ZNF568: variants seen among roughly 807,000 people sequenced by gnomAD.
The protein encoded by ZNF568 is zinc finger protein 568, also known as p53 inhibitor of SCO2 activation.
A neutral mutation model predicts 18.1 loss-of-function variants in ZNF568; 11 were observed. The observed-to-expected ratio is 0.61, with a 90% CI of 0.38 to 1.00. The LOEUF is 1.00. Among genes scored for constraint, ZNF568 ranks in the 50% least tolerant of loss-of-function variants. The pLI is 0.01. For missense variants in ZNF568, 639 were observed against 768.2 expected, an observed-to-expected ratio of 0.83 and a Z score of 1.99; for synonymous variants, 213 against 246.6, an observed-to-expected ratio of 0.86 and a Z score of 1.28.
intron 7 of ZNF568, chr19:36,974,587 A>C: frequency 3.0e-6 from 3 of 995,020 alleles, no homozygotes; most frequent in Non-Finnish European, 4.5e-6. Flanking sequence ...GAGGGGAGGA[A>C]ACTGCATTTA....
At chr19:36,994,240 C>T (rs1443191360) in intron 4 of ZNF568, among the ~76,000 whole-genome samples, 2 of 152,060 alleles carry the variant, frequency 1.3e-5, no homozygotes, top group Admixed American at 1.3e-4. Context: ...CTGTTGATAT[C>T]TAAGTTCATT....
At chr19:36,944,897 A>G in intron 6 of ZNF568, among the ~76,000 whole-genome samples, 1 of 152,310 alleles carries the variant, frequency 6.6e-6, no homozygotes, top group Middle Eastern at 3.4e-3. Context: ...TAATAGGGAT[A>G]TATAGTCAAA....
At chr19:36,948,249 C>T (rs1459490201) in intron 6 of ZNF568, among the ~76,000 whole-genome samples, 1 of 152,112 alleles carries the variant, frequency 6.6e-6, no homozygotes, top group East Asian at 1.9e-4. Context: ...CAATGGGTTT[C>T]TTTTACTTAG....
intron 6 of ZNF568, among the ~76,000 whole-genome samples, chr19:36,968,338 G>A (rs1477892181): frequency 1.3e-5 from 2 of 151,964 alleles, no homozygotes; most frequent in Admixed American, 6.6e-5. Flanking sequence ...ACTTTGGGAG[G>A]CCGAGGCAGG....
At chr19:36,991,262 T>C (rs760014584) in exon 3 of ZNF568, 28 of 1,535,488 alleles carry the variant, frequency 1.8e-5, no homozygotes, top group Non-Finnish European at 2.4e-5. Flanking sequence ...TGTACCGAGA[T>C]GTAATGTTGG....
chr19:36,969,781 A>ATTTTTTT, intron 6 of ZNF568, among the ~76,000 whole-genome samples: 1 of 77,116 alleles, frequency 1.3e-5, no homozygotes, highest in Non-Finnish European at 2.5e-5. Flanking sequence ...CCATCTCAAG[A>ATTTTTTT]TTTTTTTTTT....
At chr19:36,936,552 G>C (rs1283023409) in intron 4 of ZNF568, 194 bp from the exon 5 acceptor site, 3 of 430,306 alleles carry the variant, frequency 7.0e-6, no homozygotes, top group African/African-American at 2.0e-5. Flanking sequence ...CTTCTTGAAT[G>C]TATAATGTTT....
rs1322558872 is a variant in ZNF568, at chr19:36,974,290, A to T, written c.359-130A>T. 4.3e-6 allele frequency: 3 copies of T among 705,502 alleles called. No individual in the cohort carries two copies. In the African/African-American group the frequency reaches 5.4e-5, roughly 13 times the overall value. The allele number at this position is 705,502 out of a possible 1,614,324, so 43.7% of individuals were successfully genotyped here. ...CTGCATTTCTTTGTGAGGATGACAG[A>T]GAGCGGTGGCGTTGCAGCTTCTTTG... On this transcript the variant is annotated intron_variant, in intron 6 of 7. Coordinates refer to the ZNF568 transcript ENST00000427117.
intron 2 of ZNF568, among the ~76,000 whole-genome samples, chr19:36,919,065 G>A (rs986166127): frequency 6.6e-6 from 1 of 152,042 alleles, no homozygotes; most frequent in African/African-American, 2.4e-5. Flanking sequence ...CTACCTTTTG[G>A]CAATTGCAAG....
chr19:36,972,497 G>A (rs981697055), intron 6 of ZNF568, among the ~76,000 whole-genome samples: 23 of 152,130 alleles, frequency 1.5e-4, no homozygotes, highest in Non-Finnish European at 2.8e-4. Flanking sequence ...TCTAGGACAG[G>A]TCGTTTCCCA....
At chr19:36,964,202 G>T (rs1010714364) in intron 6 of ZNF568, among the ~76,000 whole-genome samples, 2 of 152,000 alleles carry the variant, frequency 1.3e-5, no homozygotes, top group Non-Finnish European at 2.9e-5. Context: ...ATGAACGTTT[G>T]TGAAATATTA....
At chr19:36,943,615 C>A (rs2073918143) in intron 6 of ZNF568, among the ~76,000 whole-genome samples, 1 of 152,000 alleles carries the variant, frequency 6.6e-6, no homozygotes, top group Admixed American at 6.6e-5. Context: ...TGCTCTGTCG[C>A]CCAGGCTGGA....
chr19:36,929,678 C>A (rs1279367877), intron 4 of ZNF568, among the ~76,000 whole-genome samples: 2 of 118,426 alleles, frequency 1.7e-5, no homozygotes, highest in Non-Finnish European at 3.5e-5. Context: ...GAGCAAGACT[C>A]CGTCTCAAAA....
At chr19:36,946,056 C>T (rs555301213) in intron 6 of ZNF568, among the ~76,000 whole-genome samples, 4 of 152,042 alleles carry the variant, frequency 2.6e-5, no homozygotes, top group Middle Eastern at 3.4e-3. Flanking sequence ...GATTGCGCCA[C>T]TGCACTCCAG....
intron 4 of ZNF568, among the ~76,000 whole-genome samples, chr19:36,928,285 T>C (rs1041667055): frequency 1.3e-5 from 2 of 152,098 alleles, no homozygotes; most frequent in African/African-American, 2.4e-5. Flanking sequence ...TAAATTATTA[T>C]ATTCAAGAGA....
chr19:36,948,657 G>GTTTTTTTTTTTTTTTTTTTTTTTTTTT (rs1568391851), intron 6 of ZNF568, among the ~76,000 whole-genome samples: 2 of 42,576 alleles, frequency 4.7e-5, no homozygotes, highest in African/African-American at 1.4e-4. Context: ...TTTTGTTGTT[G>GTTTTTTTTTTTTTTTTTTTTTTTTTTT]ATTTTTTTTT....
intron 2 of ZNF568, among the ~76,000 whole-genome samples, chr19:36,918,894 C>T (rs563346248): frequency 1.3e-5 from 2 of 152,156 alleles, no homozygotes; most frequent in African/African-American, 2.4e-5. Flanking sequence ...GTTGTTTGTG[C>T]TTTTGTGACC....
chr19:36,954,084 C>G (rs138543718), downstream of ZNF568, among the ~76,000 whole-genome samples: 1 of 150,692 alleles, frequency 6.6e-6, no homozygotes, highest in African/African-American at 2.4e-5. Context: ...ATTAGCTGGG[C>G]GTGGTGGTGC....
chr19:36,925,384 A>G, intron 4 of ZNF568, 126 bp downstream of exon 4: 2 of 841,002 alleles, frequency 2.4e-6, no homozygotes, highest in East Asian at 2.7e-5. Flanking sequence ...AAATACAGAT[A>G]GAAAATCAGA....
Sources: gnomAD v4.1 joint callset for allele counts (sites outside exome capture counted in the v4.1 genomes callset) on GRCh38, gnomAD v4.1.1 for gene constraint, MANE v1.5 for transcripts, NCBI Gene and HGNC (gene_info 2026-07-23, HGNC 2026-07-21) for gene names.